The following PADI3 variants were observed in gnomAD, a reference collection of about 807,000 sequenced individuals.
The protein encoded by PADI3 is peptidyl arginine deiminase 3, also known as protein-arginine deiminase type-3.
PADI3 carries 53 observed loss-of-function variants against 71.5 expected under a neutral mutation model. That is an observed-to-expected ratio of 0.74 (90% CI 0.59 to 0.93). The LOEUF (loss-of-function observed/expected upper bound fraction) is 0.93, where lower values mean the gene tolerates loss of function less well. PADI3 is among the 40% of genes least tolerant of loss of function. The pLI is 0.00. For synonymous variants in PADI3, 361 were observed against 347.5 expected, an observed-to-expected ratio of 1.04 and a Z score of -0.43; for missense variants, 821 against 868.0, an observed-to-expected ratio of 0.95 and a Z score of 0.68.
intron 10 of PADI3, among the ~76,000 whole-genome samples, chr1:17,274,073 G>C (rs1280346837): frequency 1.3e-5 from 2 of 152,212 alleles, no homozygotes; most frequent in African/African-American, 2.4e-5. Context: ...AGAGTGACTT[G>C]CCTGGTGCCG....
At position 17,265,683 on chromosome 1, in the gene PADI3, A is replaced by G; in HGVS notation, c.371A>G (p.Asn124Ser). 1 of 1,614,184 alleles carries G rather than the reference A, an allele frequency of 6.2e-7. No homozygotes were observed. Among genetic ancestry groups the G allele is most frequent in the Non-Finnish European group, 8.5e-7 (1 of 1,180,016 alleles). ...GACATCTCTCTGGATTGCGACCTGAACTGTGAGGGAAGGCAGGACAGGAAC... is the reference window on the plus strand; with the variant it reads ...GACATCTCTCTGGATTGCGACCTGAGCTGTGAGGGAAGGCAGGACAGGAAC... ...CVDISLDCDL[N>S]CEGRQDRNFV... Residue 124 changes from asparagine to serine, a missense_variant, in exon 4 of 16, where the codon AAC (asparagine) becomes AGC (serine). By Grantham distance (46) the Asn-to-Ser change is conservative. Transcript: ENST00000375460.
In PADI3 at chr1:17,259,609, G is replaced by T. The variant is rs1181631395; in HGVS notation, c.124G>T (p.Val42Phe). ...GCCTGAGGGCACAGAAATGTTTGAG[G>T]TCTATGGGACGCCTGGCGTGGACAT... ...SVPEGTEMFE[V>F]YGTPGVDIYI... The change falls in exon 2 of 16, where the codon GTC (valine) becomes TTC (phenylalanine). Residue 42 changes from valine to phenylalanine, a missense_variant. Coordinates refer to ENST00000375460, the MANE Select transcript of PADI3 (RefSeq NM_016233.2). 3 of 1,612,410 alleles carry T rather than the reference G, an allele frequency of 1.9e-6. No homozygotes were observed. The South Asian group carries it at 3.3e-5, about 18-fold the overall frequency.
rs753173316 is a variant in PADI3, at chr1:17,280,761, G to A, written c.1726G>A (p.Glu576Lys). Residue 576 changes from glutamate to lysine, a missense_variant, in exon 15 of 16, where the codon GAG becomes AAG. Transcript: ENST00000375460. ...TGACATCCCACAGCTCTTCAAGACC[G>A]AGAGGAAAAAAGCAACGGCCTTCTT... is the stretch of plus-strand genomic sequence containing the variant. ...IIDIPQLFKT[E>K]RKKATAFFPD... 6.2e-6 allele frequency: 10 copies of A among 1,614,010 alleles called. No homozygotes were observed. The highest frequency in any genetic ancestry group is 4.4e-5 in the South Asian group (4 of 91,078).
chr1:17,276,658 G>C lies in PADI3; in HGVS notation c.1447G>C (p.Gly483Arg). 6.2e-7 allele frequency: 1 copy of C among 1,614,036 alleles called. No homozygotes were observed. The highest frequency in any genetic ancestry group is 1.1e-5 in the South Asian group (1 of 91,080). ...TCTGAGCTTTGTCCCTGCCCCCGATGGGAAGGTAAGAACTTCGTGCATGAC... is the reference window on the plus strand; with the variant it reads ...TCTGAGCTTTGTCCCTGCCCCCGATCGGAAGGTAAGAACTTCGTGCATGAC... ...EFLSFVPAPD[G>R]KGFRMLLASP... The change falls in exon 12 of 16, where the codon GGG (glycine) becomes CGG (arginine). Residue 483 changes from glycine (G) to arginine (R), a missense_variant. Coordinates refer to ENST00000375460, the MANE Select transcript of PADI3 (RefSeq NM_016233.2).
chr1:17,274,852 T>A, intron 11 of PADI3, 66 bp downstream of exon 11: 2 of 1,508,048 alleles, frequency 1.3e-6, no homozygotes, highest in South Asian at 1.2e-5. Context: ...GTGATGATGG[T>A]GGAGCAGGGG....
At chr1:17,267,074 G>A (rs996198074) in intron 5 of PADI3, among the ~76,000 whole-genome samples, 6 of 152,166 alleles carry the variant, frequency 3.9e-5, no homozygotes, top group Non-Finnish European at 5.9e-5. Context: ...GAGCCACCTC[G>A]CCATTCTCTT....
chr1:17,269,436 TATAAC>T (rs901778239), intron 6 of PADI3, among the ~76,000 whole-genome samples: 4 of 152,232 alleles, frequency 2.6e-5, no homozygotes, highest in African/African-American at 9.6e-5. Flanking sequence ...GTTTTGATTT[TATAAC>T]AATGCAGGTT....
intron 6 of PADI3, among the ~76,000 whole-genome samples, chr1:17,269,611 GT>G (rs1362115194): frequency 1.3e-5 from 2 of 151,940 alleles, no homozygotes; most frequent in Non-Finnish European, 2.9e-5. Flanking sequence ...TTGTTGTTTT[GT>G]TTTTTGTTGG....
chr1:17,259,667 A>G lies in PADI3; in HGVS notation c.182A>G (p.Glu61Gly). Reference protein sequence around the residue: ...YISPNMERGRERADTRRWRFD... With the variant: ...YISPNMERGRGRADTRRWRFD... Reference sequence around the variant, plus strand: ...TCTCCCAACATGGAGAGGGGCCGGGAGCGTGCAGACACCAGGCGGTGGCGC... The same window carrying G: ...TCTCCCAACATGGAGAGGGGCCGGGGGCGTGCAGACACCAGGCGGTGGCGC... Residue 61 changes from glutamate to glycine, a missense_variant, in exon 2 of 16, where the codon GAG becomes GGG. Transcript: ENST00000375460. 3 of 1,613,914 alleles carry G rather than the reference A, an allele frequency of 1.9e-6. No homozygotes were observed. The Admixed American group carries it at 5.0e-5, about 27-fold the overall frequency.
rs1325052065 is a variant in PADI3, at chr1:17,283,140, A to G, written c.*61A>G. 2.1e-5 allele frequency: 27 copies of G among 1,305,740 alleles called. No homozygotes were observed. The highest frequency in any genetic ancestry group is 3.3e-6 in the Non-Finnish European group (3 of 909,466). The allele number at this position is 1,305,740 out of a possible 1,614,324, so 80.9% of individuals were successfully genotyped here. ...GGGCATTGGCCCAGGTGGTGGAGAC[A>G]GAGACAGGCCCCTGAACGATAAGCA... On this transcript the variant is annotated 3_prime_UTR_variant, in exon 16 of 16. Coordinates refer to ENST00000375460, the MANE Select transcript of PADI3 (RefSeq NM_016233.2).
intron 6 of PADI3, among the ~76,000 whole-genome samples, chr1:17,268,827 G>A (rs1044135161): frequency 6.6e-5 from 10 of 151,110 alleles, no homozygotes; most frequent in African/African-American, 2.2e-4. Context: ...TAAATAATCA[G>A]ACAATATGGA....
Position 17,280,842 on chromosome 1 carries a change from C to T in PADI3, c.1761+46C>T, listed in dbSNP as rs759797180. ...TCCTTTGCCAAATCAGGCTGCAAAC[C>T]TCTAAGCTCGAGAGAGGAAAAATGT... On this transcript the variant is annotated intron_variant, in intron 15 of 15. Coordinates refer to ENST00000375460, the MANE Select transcript of PADI3 (RefSeq NM_016233.2). 2.5e-6 allele frequency: 4 copies of T among 1,605,258 alleles called. No individual in the cohort carries two copies. In the South Asian group the frequency reaches 3.3e-5, roughly 13 times the overall value.
intron 1 of PADI3, among the ~76,000 whole-genome samples, chr1:17,252,515 C>T (rs1178454384): frequency 2.0e-5 from 3 of 151,966 alleles, no homozygotes; most frequent in South Asian, 2.1e-4. Context: ...GCTATCCTCC[C>T]GCCTCAGCCT....
At chr1:17,277,266 C>A (rs562183059) in intron 13 of PADI3, among the ~76,000 whole-genome samples, 2 of 152,172 alleles carry the variant, frequency 1.3e-5, no homozygotes, top group East Asian at 3.9e-4. Flanking sequence ...GTGATCTCCA[C>A]TCACCGCAAC....
Position 17,273,399 on chromosome 1 carries a change from C to T in PADI3, c.1107C>T (p.Asp369=), listed in dbSNP as rs1476765906. The stretch of plus-strand genomic sequence containing the variant: ...ACAAGACCCTCCCGGTGGTCTTTGA[C>T]TCCCCAAGGAATGGGGAACTGCAGG... ...APHKTLPVVF[D]SPRNGELQDF... Residue 369 remains aspartate, a synonymous_variant, in exon 10 of 16, where the codon GAC becomes GAT. Transcript: ENST00000375460. 8 of 1,613,786 alleles carry T rather than the reference C, an allele frequency of 5.0e-6. No individual in the cohort carries two copies. The East Asian group carries it at 8.9e-5, about 18-fold the overall frequency.
At chr1:17,269,594 TTTG>T (rs960958378) in intron 6 of PADI3, among the ~76,000 whole-genome samples, 9 of 152,034 alleles carry the variant, frequency 5.9e-5, no homozygotes, top group Admixed American at 4.6e-4. Flanking sequence ...TTATTGTTTG[TTTG>T]TTGTTGTTGT....
intron 10 of PADI3, among the ~76,000 whole-genome samples, chr1:17,273,973 G>A (rs1340408812): frequency 1.3e-5 from 2 of 152,206 alleles, no homozygotes; most frequent in Non-Finnish European, 2.9e-5. Context: ...GAGTGTGTGT[G>A]CGCGCACCAC....
At chr1:17,264,922 T>A (rs970774880) in intron 3 of PADI3, among the ~76,000 whole-genome samples, 1 of 151,626 alleles carries the variant, frequency 6.6e-6, no homozygotes, top group Non-Finnish European at 1.5e-5. Flanking sequence ...AGTGGGAGGA[T>A]TACTTGAGCC....
chr1:17,279,400 G>A (rs1421966895), intron 13 of PADI3, among the ~76,000 whole-genome samples: 1 of 152,194 alleles, frequency 6.6e-6, no homozygotes, highest in African/African-American at 2.4e-5. Context: ...CTCAGAGAGG[G>A]GATGTCACTG....
Sources: gnomAD v4.1 joint callset for allele counts (sites outside exome capture counted in the v4.1 genomes callset) on GRCh38, gnomAD v4.1.1 for gene constraint, MANE v1.5 for transcripts, NCBI Gene and HGNC (gene_info 2026-07-23, HGNC 2026-07-21) for gene names.